The following TRAP1 variants were observed in gnomAD, a reference collection of about 807,000 sequenced individuals.
The protein encoded by TRAP1 is heat shock protein 75 kDa, mitochondrial.
In TRAP1, 102 loss-of-function variants were observed where a neutral mutation model predicts 89.1. That is an observed-to-expected ratio of 1.15 (90% confidence interval 0.98 to 1.35). The LOEUF (loss-of-function observed/expected upper bound fraction) is 1.35. Among genes scored for constraint, TRAP1 ranks in the 40% most tolerant of loss-of-function variants. The pLI is 0.00. For synonymous variants in TRAP1, 508 were observed against 388.0 expected (o/e 1.31, Z -3.64); for missense variants, 1,256 against 945.3 (o/e 1.33, Z -4.31).
At chr16:3,692,097 A>G (rs2051222304) in intron 1 of TRAP1, among the ~76,000 whole-genome samples, 1 of 152,220 alleles carries the variant, frequency 6.6e-6, no homozygotes. Flanking sequence ...GATGGTGTCA[A>G]GGATATGTGG....
chr16:3,706,074 G>C (rs2051440793), intron 1 of TRAP1, among the ~76,000 whole-genome samples: 3 of 150,940 alleles, frequency 2.0e-5, no homozygotes, highest in South Asian at 2.1e-4. Flanking sequence ...CCAATTCCCA[G>C]GGTCAAGTGA....
chr16:3,662,759 A>T, intron 15 of TRAP1, 123 bp downstream of exon 15: 1 of 897,910 alleles, frequency 1.1e-6, no homozygotes, highest in African/African-American at 1.6e-5. Flanking sequence ...TCTCCACCTG[A>T]CACCAAGGGC....
At chr16:3,685,557 C>T (rs991372457) in intron 4 of TRAP1, among the ~76,000 whole-genome samples, 3 of 152,006 alleles carry the variant, frequency 2.0e-5, no homozygotes, top group Non-Finnish European at 2.9e-5. Context: ...CTCTCAGGGC[C>T]CCTACCTGAT....
chr16:3,685,132 G>T (rs187540593), intron 4 of TRAP1, among the ~76,000 whole-genome samples: 2 of 152,130 alleles, frequency 1.3e-5, no homozygotes, highest in Non-Finnish European at 2.9e-5. Context: ...AGCACAGGGC[G>T]CTGCAGCCCT....
At chr16:3,711,667 G>C (rs376145855) in intron 1 of TRAP1, among the ~76,000 whole-genome samples, 1 of 151,638 alleles carries the variant, frequency 6.6e-6, no homozygotes, top group East Asian at 1.9e-4. Context: ...TAATACTCCC[G>C]CAAGTAGATA....
chr16:3,704,062 A>G (rs980014913), intron 1 of TRAP1, among the ~76,000 whole-genome samples: 1 of 151,926 alleles, frequency 6.6e-6, no homozygotes, highest in Non-Finnish European at 1.5e-5. Flanking sequence ...GTTACATTAC[A>G]GGCCAGGTGA....
intron 11 of TRAP1, among the ~76,000 whole-genome samples, chr16:3,667,875 C>T (rs1274029511): frequency 3.4e-5 from 5 of 148,324 alleles, no homozygotes; most frequent in African/African-American, 1.2e-4. Context: ...TCTCCTGCCT[C>T]AGCCTCCCAA....
At chr16:3,698,462 C>T (rs2051320283) in intron 1 of TRAP1, among the ~76,000 whole-genome samples, 1 of 151,904 alleles carries the variant, frequency 6.6e-6, no homozygotes, top group African/African-American at 2.4e-5. Context: ...GCCACCATGC[C>T]CGGCTAATTT....
chr16:3,695,290 G>A (rs1245516625), intron 1 of TRAP1, among the ~76,000 whole-genome samples: 13 of 152,170 alleles, frequency 8.5e-5, no homozygotes, highest in African/African-American at 3.1e-4. Flanking sequence ...GAGAGGGCTG[G>A]CAGAGCTGAG....
Position 3,672,702 on chromosome 16 carries a change from C to T in TRAP1, c.1163G>A (p.Arg388Gln), listed in dbSNP as rs148180859. Residue 388 changes from arginine (R) to glutamine (Q), a missense_variant and splice_region_variant, in exon 10 of 18, where the codon CGA (arginine) becomes CAA (glutamine). Physicochemically the swap from Arg to Gln is conservative, Grantham distance 43. Transcript: ENST00000246957. ...CTCACGGACTCTGAGCAGCGTACCT[C>T]GGATGAAGCGCAGCCACTTGGGCAG... ...DILPKWLRFI[R>Q]GVVDSEDIPL... The T allele has an allele frequency of 3.4e-4, 545 of 1,607,164 alleles. 2 individuals carry two copies. The highest frequency in any genetic ancestry group is 4.2e-4 in the South Asian group (38 of 89,628).
At chr16:3,714,016 A>T (rs1596762708) in intron 1 of TRAP1, among the ~76,000 whole-genome samples, 2 of 152,338 alleles carry the variant, frequency 1.3e-5, no homozygotes, top group East Asian at 3.9e-4. Context: ...TCTTTCATCA[A>T]ACCAATTATT....
In TRAP1 at chr16:3,663,455, G is replaced by A; in HGVS notation, c.1677C>T (p.Tyr559=). ...SVETDIVVDH[Y]KEEKFEDRSP... ...ACCTGTCCTCAAACTTCTCCTCCTT[G>A]TAGTGATCCACGACTATGTCCGTCT... Residue 559 remains tyrosine, a synonymous_variant, in exon 14 of 18, where the codon TAC becomes TAT. Transcript: ENST00000246957. 1 of 1,614,156 alleles carries A rather than the reference G, an allele frequency of 6.2e-7. No homozygotes were observed. The highest frequency in any genetic ancestry group is 1.1e-5 in the South Asian group (1 of 91,084).
intron 15 of TRAP1, 156 bp downstream of exon 15, chr16:3,662,726 G>A (rs111945995): frequency 1.4e-5 from 10 of 730,624 alleles, no homozygotes; most frequent in African/African-American, 3.5e-5. Context: ...CGAGCAACAC[G>A]TGCCGAGCAG....
intron 1 of TRAP1, among the ~76,000 whole-genome samples, chr16:3,716,158 G>C (rs1279719728): frequency 1.3e-5 from 2 of 152,142 alleles, no homozygotes; most frequent in Non-Finnish European, 2.9e-5. Flanking sequence ...CGGCCACAAG[G>C]TATCTTTTAT....
At chr16:3,711,079 G>C (rs1471819765) in intron 1 of TRAP1, among the ~76,000 whole-genome samples, 1 of 150,822 alleles carries the variant, frequency 6.6e-6, no homozygotes, top group African/African-American at 2.4e-5. Context: ...GTCTCTCTAG[G>C]TTGCCCAGGC....
rs2050985885 is a variant in TRAP1, at chr16:3,675,927, G to A, written c.814+109C>T. 5.1e-6 allele frequency: 5 copies of A among 980,740 alleles called. No homozygotes were observed. In the Admixed American group the frequency reaches 7.2e-5, roughly 14 times the overall value. 60.8% of individuals were successfully genotyped at this position (980,740 alleles called of 1,614,324 possible). A position where few individuals can be genotyped will look rare whatever the true frequency, so the allele number is the denominator to read the frequency against. The stretch of plus-strand genomic sequence containing the variant: ...CAGCGGCTCGGCCCTTCACGGCTCT[G>A]CCTGTGCACCCTACGTGCAGGTAGA... On this transcript the variant is annotated intron_variant, in intron 7 of 17. Transcript: ENST00000246957.
At chr16:3,686,264 G>A in intron 3 of TRAP1, 128 bp from the exon 4 acceptor site, 1 of 1,145,992 alleles carries the variant, frequency 8.7e-7, no homozygotes, top group African/African-American at 1.6e-5. Context: ...AGCATAAAGA[G>A]TTTCTGCTTT....
chr16:3,678,280 T>A (rs2051026587), intron 5 of TRAP1: 1 of 152,634 alleles, frequency 6.6e-6, no homozygotes, highest in African/African-American at 2.4e-5. Context: ...GCACCTGCAA[T>A]GTGGCCTGTG....
intron 11 of TRAP1, among the ~76,000 whole-genome samples, chr16:3,668,497 C>G (rs1013972125): frequency 6.6e-6 from 1 of 152,162 alleles, no homozygotes; most frequent in African/African-American, 2.4e-5. Flanking sequence ...GAAATGCACC[C>G]CAAAGGCATC....
Sources: gnomAD v4.1 joint callset for allele counts (sites outside exome capture counted in the v4.1 genomes callset) on GRCh38, gnomAD v4.1.1 for gene constraint, MANE v1.5 for transcripts, NCBI Gene and HGNC (gene_info 2026-07-23, HGNC 2026-07-21) for gene names.